Variants in HNRNPF observed in about 807,000 individuals in gnomAD.
The protein encoded by HNRNPF is HnRNP F protein.
Under a neutral mutation model 26.0 loss-of-function variants are expected in HNRNPF, and 2 were observed. The ratio of observed to expected loss-of-function variants is 0.08; its 90% CI spans 0.03 to 0.24. The LOEUF is 0.24. Ranked by LOEUF, HNRNPF falls within the 10% of genes least tolerant of loss-of-function variation. The probability of loss-of-function intolerance (pLI) is 1.00; values close to 1 mark genes in which losing one functional copy is unlikely to be tolerated. For synonymous variants in HNRNPF, 234 were observed against 211.5 expected, an observed-to-expected ratio of 1.11 and a Z score of -0.92; for missense variants, 299 against 539.2, an observed-to-expected ratio of 0.55 and a Z score of 4.41.
Position 43,387,701 on chromosome 10 carries a change from C to G in HNRNPF, c.184G>C (p.Gly62Arg). Reference sequence around the variant, plus strand: ...GCCATTTTTACATCATCTTCTGATCCAAGTTCAACAAAAGCCTCACCACTC... The same window carrying G: ...GCCATTTTTACATCATCTTCTGATCGAAGTTCAACAAAAGCCTCACCACTC... ...RQSGEAFVEL[G>R]SEDDVKMALK... The change falls in exon 4 of 4, where the codon GGA becomes CGA. Residue 62 changes from glycine to arginine, a missense_variant. Physicochemically the swap from Gly to Arg is moderately radical, Grantham distance 125. Coordinates refer to ENST00000682386, the MANE Select transcript of HNRNPF (RefSeq NM_001098204.2). The surrounding 1 kb of genome is among the most constrained non-coding windows in gnomAD (Gnocchi z 6.0). 6.2e-7 allele frequency: 1 copy of G among 1,614,092 alleles called. No individual in the cohort carries two copies.
intron 3 of HNRNPF, among the ~76,000 whole-genome samples, chr10:43,391,807 T>C (rs1038324898): frequency 6.6e-6 from 1 of 152,210 alleles, no homozygotes; most frequent in Non-Finnish European, 1.5e-5. Flanking sequence ...GAGCCCTGTC[T>C]ACTTGGTAAT....
chr10:43,390,558 C>A (rs1302435836), intron 3 of HNRNPF, among the ~76,000 whole-genome samples: 3 of 152,206 alleles, frequency 2.0e-5, no homozygotes, highest in Non-Finnish European at 4.4e-5. Context: ...GAGACCTTGG[C>A]TTCCTTATCC....
intron 3 of HNRNPF, among the ~76,000 whole-genome samples, chr10:43,390,370 C>G (rs888717962): frequency 6.6e-6 from 1 of 152,164 alleles, no homozygotes; most frequent in African/African-American, 2.4e-5. Flanking sequence ...AGGCCTCCCT[C>G]GAGTTCTGTT....
intron 1 of HNRNPF, among the ~76,000 whole-genome samples, chr10:43,403,728 G>A (rs943525160): frequency 3.5e-4 from 53 of 152,294 alleles, no homozygotes; most frequent in African/African-American, 1.1e-3. Flanking sequence ...GCCATATATA[G>A]TGGCTCACAC....
intron 1 of HNRNPF, among the ~76,000 whole-genome samples, chr10:43,406,342 T>C (rs1399402898): frequency 6.6e-6 from 1 of 152,132 alleles, no homozygotes; most frequent in Non-Finnish European, 1.5e-5. Flanking sequence ...TTAAATAAAT[T>C]CCATTTTTTA....
At chr10:43,393,030 A>G (rs560273320) in intron 3 of HNRNPF, among the ~76,000 whole-genome samples, 1 of 151,874 alleles carries the variant, frequency 6.6e-6, no homozygotes, top group South Asian at 2.1e-4. Flanking sequence ...AATCCAATCA[A>G]CTCAACTCCC....
rs150571115 is a variant in HNRNPF at position 43,389,179 on chromosome 10, C to T, written c.-52-1243G>A. Among the ~76,000 whole-genome samples the T allele has an allele frequency of 8.8e-3, 1,338 of 152,082 alleles. 10 individuals are homozygous for T. Among genetic ancestry groups the T allele is most frequent in the Admixed American group, 0.028 (433 of 15,258 alleles). On this transcript the variant is annotated intron_variant, in intron 3 of 3. Transcript: ENST00000682386. ...GAGATACGGGATTTCACCATGTTGG[C>T]GAGGTTGGTCTTGAACTCCTGACCT... is the stretch of plus-strand genomic sequence containing the variant.
At chr10:43,398,275 C>T (rs1263130658) in intron 1 of HNRNPF, among the ~76,000 whole-genome samples, 7 of 151,934 alleles carry the variant, frequency 4.6e-5, no homozygotes, top group Admixed American at 2.6e-4. Flanking sequence ...CCCCCTGCCT[C>T]GGCCTCCCAA....
At chr10:43,403,084 A>G (rs553763185) in intron 1 of HNRNPF, among the ~76,000 whole-genome samples, 9 of 152,226 alleles carry the variant, frequency 5.9e-5, no homozygotes, top group South Asian at 2.1e-4. Context: ...AGCTCAAACC[A>G]TCATTCCACT....
At chr10:43,396,049 A>C (rs1838489526) in intron 2 of HNRNPF, among the ~76,000 whole-genome samples, 2 of 150,960 alleles carry the variant, frequency 1.3e-5, no homozygotes, top group Admixed American at 1.3e-4. Context: ...TTAAAACACC[A>C]ACCCTAAAAC....
chr10:43,390,779 G>A (rs1445639902), intron 3 of HNRNPF, among the ~76,000 whole-genome samples: 1 of 152,158 alleles, frequency 6.6e-6, no homozygotes, highest in Non-Finnish European at 1.5e-5. Flanking sequence ...GCGAAACGGT[G>A]CCTCTAAGCT....
chr10:43,406,214 G>A (rs1047748684), intron 1 of HNRNPF, among the ~76,000 whole-genome samples: 5 of 152,176 alleles, frequency 3.3e-5, no homozygotes, highest in Admixed American at 6.6e-5. Flanking sequence ...GAAAGGGCCT[G>A]TCACATTTCT....
At chr10:43,389,549 TTCA>T (rs778660300) in intron 3 of HNRNPF, among the ~76,000 whole-genome samples, 2 of 152,238 alleles carry the variant, frequency 1.3e-5, no homozygotes, top group Admixed American at 6.5e-5. Flanking sequence ...CATACAGTGC[TTCA>T]TCATTTCAAA....
chr10:43,390,856 C>T (rs944127096), intron 3 of HNRNPF, among the ~76,000 whole-genome samples: 1 of 152,114 alleles, frequency 6.6e-6, no homozygotes, highest in Non-Finnish European at 1.5e-5. Context: ...TGGAGGCAGG[C>T]CCAGGCACTG....
At chr10:43,388,746 C>T (rs1320903513) in intron 3 of HNRNPF, among the ~76,000 whole-genome samples, 1 of 152,172 alleles carries the variant, frequency 6.6e-6, no homozygotes, top group Non-Finnish European at 1.5e-5. Context: ...AATGCCCTTC[C>T]CACCAGGGTG....
intron 2 of HNRNPF, among the ~76,000 whole-genome samples, chr10:43,395,062 C>A (rs887531356): frequency 8.5e-5 from 13 of 152,070 alleles, no homozygotes; most frequent in African/African-American, 3.1e-4. Context: ...CTCAGGTGAT[C>A]CGCCCGCCTC....
chr10:43,407,958 T>C (rs1343425930), intron 1 of HNRNPF: 2 of 152,212 alleles, frequency 1.3e-5, no homozygotes, highest in African/African-American at 4.8e-5. Flanking sequence ...CAAGGTCTCA[T>C]TTCCGTCGCC....
intron 1 of HNRNPF, among the ~76,000 whole-genome samples, chr10:43,399,989 G>C (rs1838702463): frequency 6.6e-6 from 1 of 152,236 alleles, no homozygotes; most frequent in Admixed American, 6.5e-5. Flanking sequence ...TGGGAACACT[G>C]AGTGATGAAT....
chr10:43,386,712 G>A lies in HNRNPF; in HGVS notation c.1173C>T (p.Gly391=). 6.2e-7 allele frequency: 1 copy of A among 1,613,728 alleles called. No individual in the cohort carries two copies. Among genetic ancestry groups the A allele is most frequent in the Non-Finnish European group, 8.5e-7 (1 of 1,179,944 alleles). Residue 391 remains glycine, a synonymous_variant, in exon 4 of 4, where the codon GGC becomes GGT. Transcript: ENST00000682386. ...GVSAAQATYS[G]LESQSVSGCY... Reference sequence around the variant, plus strand: ...AGCCACTCACTGACTGGCTCTCCAGGCCACTGTAAGTGGCCTGGGCAGCAG... The same window carrying A: ...AGCCACTCACTGACTGGCTCTCCAGACCACTGTAAGTGGCCTGGGCAGCAG...
Sources: gnomAD v4.1 joint callset for allele counts (sites outside exome capture counted in the v4.1 genomes callset) on GRCh38, gnomAD v4.1.1 for gene constraint, Gnocchi (gnomAD v3.1) non-coding constraint, MANE v1.5 for transcripts, NCBI Gene and HGNC (gene_info 2026-07-23, HGNC 2026-07-21) for gene names.